GRIK5: variants seen among roughly 807,000 people sequenced by gnomAD.
The protein encoded by GRIK5 is glutamate receptor ionotropic, kainate 5.
A neutral mutation model predicts 97.4 loss-of-function variants in GRIK5; 43 were observed. That is an observed-to-expected ratio of 0.44 (90% CI 0.35 to 0.57). The LOEUF (loss-of-function observed/expected upper bound fraction) is 0.57, where lower values mean the gene tolerates loss of function less well. Ranked by LOEUF, GRIK5 falls within the 20% of genes least tolerant of loss-of-function variation. The pLI, the probability that GRIK5 is intolerant of heterozygous loss-of-function variation, is 0.01. For synonymous variants in GRIK5, 580 were observed against 583.5 expected (o/e 0.99, Z 0.09); for missense variants, 1,015 against 1,382.0 (o/e 0.73, Z 4.21).
intron 9 of GRIK5, 49 bp from the exon 10 acceptor site, chr19:42,053,978 A>ATCTC: frequency 7.6e-7 from 1 of 1,316,440 alleles, no homozygotes; most frequent in Non-Finnish European, 1.1e-6. Flanking sequence ...GGGCCCAGAG[A>ATCTC]TGGGCAGGGA....
chr19:42,047,762 G>A (rs773985749), intron 11 of GRIK5, among the ~76,000 whole-genome samples: 18 of 151,980 alleles, frequency 1.2e-4, no homozygotes, highest in Non-Finnish European at 2.4e-4. Context: ...TTGAGGTCAG[G>A]AGTTCAAGAC....
intron 9 of GRIK5, 40 bp downstream of exon 9, chr19:42,054,280 C>G: frequency 1.9e-6 from 3 of 1,581,440 alleles, no homozygotes; most frequent in Non-Finnish European, 2.6e-6. Flanking sequence ...CCTGAGGTGG[C>G]CGTGTCCTGC....
chr19:42,059,476 G>A lies in GRIK5; in HGVS notation c.560C>T (p.Thr187Met), dbSNP rs142854553. 8.7e-6 allele frequency: 14 copies of A among 1,613,588 alleles called. No individual in the cohort carries two copies. The highest frequency in any genetic ancestry group is 8.0e-5 in the African/African-American group (6 of 74,888). Residue 187 changes from threonine (T) to methionine (M), a missense_variant, in exon 6 of 20, where the codon ACG becomes ATG. Around this residue, in one of 5 missense-constraint regions of GRIK5, gnomAD observed 477 missense variants for 701.1 expected, o/e 0.68. Coordinates refer to ENST00000593562, the MANE Select transcript of GRIK5 (RefSeq NM_002088.5). ...GTCGTCCAACATCCTCACTGACAGC[G>A]TCTCCTTGGAGATGAGGAAGCCACG... is the stretch of plus-strand genomic sequence containing the variant. ...LVRGFLISKE[T>M]LSVRMLDDSR... is the part of the protein sequence containing the mutation.
In GRIK5 at chr19:42,065,198, C is replaced by T. The variant is rs747480692; in HGVS notation, c.244+25G>A. 5.6e-6 allele frequency: 9 copies of T among 1,594,000 alleles called. No individual in the cohort carries two copies. In the East Asian group the frequency reaches 2.0e-4, roughly 36 times the overall value. On this transcript the variant is annotated intron_variant, in intron 3 of 19. Transcript: ENST00000593562. This position sits in a 1 kb window ranked among gnomAD's most constrained non-coding sequence, Gnocchi z 5.8. ...GGGCCACCGACCTGCCCTGCCTCAC[C>T]CCACGCCCCCATGGCCCCGCTCACT...
Position 41,999,260 on chromosome 19 carries a change from C to T in GRIK5, c.2554G>A (p.Ala852Thr), listed in dbSNP as rs1469481644. 2 of 1,525,460 alleles carry T rather than the reference C, an allele frequency of 1.3e-6. No individual in the cohort carries two copies. Among genetic ancestry groups the T allele is most frequent in the African/African-American group, 2.8e-5 (2 of 70,900 alleles). The allele number at this position is 1,525,460 out of a possible 1,614,324, so 94.5% of individuals were successfully genotyped here. Residue 852 changes from alanine (A) to threonine (T), a missense_variant, in exon 20 of 20, where the codon GCC becomes ACC. By Grantham distance (58) the Ala-to-Thr change is moderately conservative (BLOSUM62 0). This residue lies in a region of GRIK5 where 229 missense variants were observed against 341.0 expected (regional missense o/e 0.67). Coordinates refer to ENST00000593562, the MANE Select transcript of GRIK5 (RefSeq NM_002088.5). The surrounding 1 kb of genome is among the most constrained non-coding windows in gnomAD (Gnocchi z 5.0). ...CGCGACGTCTTGCGGCAAGAAACGGCGTGGCGCAGCTCCTGCAGCATCTCC... is the reference window on the plus strand; with the variant it reads ...CGCGACGTCTTGCGGCAAGAAACGGTGTGGCGCAGCTCCTGCAGCATCTCC... Reference protein sequence around the residue: ...CQEMLQELRHAVSCRKTSRSR... With the variant: ...CQEMLQELRHTVSCRKTSRSR...
chr19:42,009,495 C>T (rs912204877), intron 15 of GRIK5, among the ~76,000 whole-genome samples: 1 of 150,730 alleles, frequency 6.6e-6, no homozygotes, highest in South Asian at 2.1e-4. Flanking sequence ...AGGCTGGGCG[C>T]GGTGGCTCAC....
At chr19:42,048,772 C>T (rs1300548347) in intron 11 of GRIK5, among the ~76,000 whole-genome samples, 1 of 152,068 alleles carries the variant, frequency 6.6e-6, no homozygotes, top group Non-Finnish European at 1.5e-5. Context: ...AGTGTGGTGG[C>T]TCATGCCTGT....
rs371287557 is a variant in GRIK5 at position 42,062,737 on chromosome 19, G to T, written c.342+21C>A. On this transcript the variant is annotated intron_variant, in intron 4 of 19. Transcript: ENST00000593562. The surrounding 1 kb of genome is among the most constrained non-coding windows in gnomAD (Gnocchi z 5.3). ...AGGGACCCGCTCCCCACAAAGCGCC[G>T]GCCCACACTCCCCATCTCACCTCCT... 5.6e-6 allele frequency: 9 copies of T among 1,611,830 alleles called. 1 individual carries two copies. Among genetic ancestry groups the T allele is most frequent in the South Asian group, 5.5e-5 (5 of 91,034 alleles).
At chr19:42,067,797 C>T (rs1157972056) in intron 1 of GRIK5, among the ~76,000 whole-genome samples, 1 of 152,168 alleles carries the variant, frequency 6.6e-6, no homozygotes, top group Non-Finnish European at 1.5e-5. Flanking sequence ...GAGACAGACA[C>T]AGCCTAGAAG....
intron 12 of GRIK5, among the ~76,000 whole-genome samples, chr19:42,025,495 C>T (rs1400366015): frequency 9.2e-5 from 14 of 152,090 alleles, no homozygotes; most frequent in Admixed American, 6.5e-4. Context: ...GAACCTCTGG[C>T]CAATATGGCG....
chr19:42,025,759 C>T (rs2075764115), intron 12 of GRIK5, among the ~76,000 whole-genome samples: 1 of 152,302 alleles, frequency 6.6e-6, no homozygotes, highest in Non-Finnish European at 1.5e-5. Context: ...CCAGGACACA[C>T]AGCCTGCAGC....
rs571250154 is a variant in GRIK5, at chr19:42,053,235, C to T, written c.1269+367G>A. On this transcript the variant is annotated intron_variant, in intron 11 of 19. Transcript: ENST00000593562. ...CTGTGTGACCCTGGGCAAGTCGCCTCCCCTCTCTGAGCCTCAGTTTCCACA... is the reference window on the plus strand; with the variant it reads ...CTGTGTGACCCTGGGCAAGTCGCCTTCCCTCTCTGAGCCTCAGTTTCCACA... Among the ~76,000 whole-genome samples, 25 of 152,282 alleles carry T rather than the reference C, an allele frequency of 1.6e-4. No individual in the cohort carries two copies. The South Asian group carries it at 4.8e-3, about 29-fold the overall frequency.
chr19:42,000,667 G>A (rs553298903), intron 19 of GRIK5, among the ~76,000 whole-genome samples: 15 of 152,232 alleles, frequency 9.9e-5, no homozygotes, highest in Admixed American at 2.0e-4. Flanking sequence ...CACCTCCCGC[G>A]TCCACGCCCC....
intron 11 of GRIK5, among the ~76,000 whole-genome samples, chr19:42,048,296 G>A (rs1458769962): frequency 6.6e-6 from 1 of 152,164 alleles, no homozygotes; most frequent in Non-Finnish European, 1.5e-5. Flanking sequence ...ACATACATCA[G>A]ACAAATGACT....
In GRIK5 at chr19:42,003,505, G is replaced by A. The variant is rs1004372359; in HGVS notation, c.2392+50C>T. The A allele has an allele frequency of 7.5e-6, 12 of 1,606,958 alleles. No homozygotes were observed. The highest frequency in any genetic ancestry group is 1.3e-5 in the African/African-American group (1 of 74,824). ...AAAGGGAGTTGGGGCTGTGTGGGAAGGGGGCTGGGAGGGGGCTATGGGAAG... is the reference window on the plus strand; with the variant it reads ...AAAGGGAGTTGGGGCTGTGTGGGAAAGGGGCTGGGAGGGGGCTATGGGAAG... On this transcript the variant is annotated intron_variant, in intron 18 of 19. Coordinates refer to ENST00000593562, the MANE Select transcript of GRIK5 (RefSeq NM_002088.5). The surrounding 1 kb of genome is among the most constrained non-coding windows in gnomAD (Gnocchi z 4.2).
Position 42,053,985 on chromosome 19 carries a change from G to C in GRIK5, c.1057-56C>G, listed in dbSNP as rs189720074. 3,695 of 1,204,140 alleles carry C rather than the reference G, an allele frequency of 3.1e-3. 21 individuals carry two copies. The highest frequency in any genetic ancestry group is 5.8e-3 in the South Asian group (471 of 81,256). 74.6% of individuals were successfully genotyped at this position (1,204,140 alleles called of 1,614,324 possible). A position where few individuals can be genotyped will look rare whatever the true frequency, so the allele number is the denominator to read the frequency against. On this transcript the variant is annotated intron_variant, in intron 9 of 19. Transcript: ENST00000593562. ...GAGTGCAGGGGCCCAGAGATGGGCA[G>C]GGAAGGCCCAACGTGGTGAGACATC...
intron 15 of GRIK5, among the ~76,000 whole-genome samples, chr19:42,016,025 A>T (rs968009235): frequency 3.9e-5 from 6 of 152,106 alleles, no homozygotes; most frequent in Admixed American, 3.9e-4. Context: ...GAAAAATAAA[A>T]CCAAAACCCC....
chr19:42,003,365 T>C lies in GRIK5; in HGVS notation c.2481A>G (p.Ile827Met). ...IAVFVAVMEF[I>M]WSTRRSAESE... ...ACTCAGCTGACCTCCGTGTGGACCA[T>C]ATGAATTCCATGACCGCCACGAAGA... Residue 827 changes from isoleucine (I) to methionine (M), a missense_variant, in exon 19 of 20, where the codon ATA (isoleucine) becomes ATG (methionine). Physicochemically the swap from Ile to Met is conservative, Grantham distance 10 (BLOSUM62 1). Transcript: ENST00000593562. The surrounding 1 kb of genome is among the most constrained non-coding windows in gnomAD (Gnocchi z 4.2). 3 of 1,563,846 alleles carry C rather than the reference T, an allele frequency of 1.9e-6. No individual in the cohort carries two copies. The highest frequency in any genetic ancestry group is 2.2e-5 in the South Asian group (2 of 89,936).
Position 42,021,854 on chromosome 19 carries a change from G to T in GRIK5, c.1697+93C>A. 1.3e-6 allele frequency: 1 copy of T among 778,870 alleles called. No individual in the cohort carries two copies. Among genetic ancestry groups the T allele is most frequent in the Non-Finnish European group, 2.2e-6 (1 of 462,902 alleles). 48.2% of individuals were successfully genotyped at this position (778,870 alleles called of 1,614,324 possible). On this transcript the variant is annotated intron_variant, in intron 14 of 19. Coordinates refer to ENST00000593562, the MANE Select transcript of GRIK5 (RefSeq NM_002088.5). This position sits in a 1 kb window ranked among gnomAD's most constrained non-coding sequence, Gnocchi z 4.2. ...TCCGAGGCCCCAAAGGGGAGGCCAA[G>T]GACAGTTCCGAGAGAGAAGAGGCAG...
Sources: gnomAD v4.1 joint callset for allele counts (sites outside exome capture counted in the v4.1 genomes callset) on GRCh38, gnomAD v4.1.1 for gene constraint, gnomAD v4.1.1 regional missense constraint, Gnocchi (gnomAD v3.1) non-coding constraint, MANE v1.5 for transcripts, NCBI Gene and HGNC (gene_info 2026-07-23, HGNC 2026-07-21) for gene names.